The following TTLL7 variants were observed in gnomAD, a reference collection of about 807,000 sequenced individuals.
The protein encoded by TTLL7 is tubulin polyglutamylase TTLL7.
Under a neutral mutation model 120.2 loss-of-function variants are expected in TTLL7, and 53 were observed. The observed-to-expected ratio is 0.44, with a 90% CI of 0.35 to 0.55. TTLL7 has a LOEUF of 0.55. TTLL7 is among the 20% of genes least tolerant of loss of function. The probability of loss-of-function intolerance (pLI) is 0.00; values close to 1 mark genes in which losing one functional copy is unlikely to be tolerated. For missense variants in TTLL7, 803 were observed against 1,054.7 expected (o/e 0.76, Z 3.31); for synonymous variants, 353 against 351.7 (o/e 1.00, Z -0.04).
rs1431571795 is a variant in TTLL7, at chr1:83,966,936, A to T, written c.-176-14549T>A. Among the ~76,000 whole-genome samples, 12 of 152,252 alleles carry T rather than the reference A, an allele frequency of 7.9e-5. No individual in the cohort carries two copies. In the East Asian group the frequency reaches 1.6e-3, roughly 20 times the overall value. ...AGAGAATGATGTTGTGTGGAAAAAC[A>T]TAGACAATGAGGGCTGAATCAAGAA... On this transcript the variant is annotated intron_variant, in intron 1 of 20. Coordinates refer to ENST00000260505, the MANE Select transcript of TTLL7 (RefSeq NM_024686.6).
intron 1 of TTLL7, among the ~76,000 whole-genome samples, chr1:83,953,567 A>G (rs1461587969): frequency 6.6e-6 from 1 of 152,170 alleles, no homozygotes; most frequent in African/African-American, 2.4e-5. Context: ...ATTCAATATC[A>G]AAACGGGGAA....
At chr1:83,909,093 T>C (rs769073762) in intron 15 of TTLL7, among the ~76,000 whole-genome samples, 2 of 151,510 alleles carry the variant, frequency 1.3e-5, no homozygotes, top group Non-Finnish European at 2.9e-5. Context: ...ACATATTTAA[T>C]GTGCGCCGAG....
chr1:83,895,952 G>A (rs597653), intron 18 of TTLL7, among the ~76,000 whole-genome samples: 12 of 152,172 alleles, frequency 7.9e-5, no homozygotes, highest in Admixed American at 3.3e-4. Context: ...TGTTTAGAAG[G>A]CTATACAGAT....
chr1:83,969,958 A>C (rs1571343270), intron 1 of TTLL7, among the ~76,000 whole-genome samples: 1 of 152,118 alleles, frequency 6.6e-6, no homozygotes. Flanking sequence ...AAGCCTAAAC[A>C]AATATGCCTA....
At chr1:83,946,951 G>A (rs1648562974) in intron 6 of TTLL7, among the ~76,000 whole-genome samples, 173 bp downstream of exon 6, 1 of 152,164 alleles carries the variant, frequency 6.6e-6, no homozygotes, top group Admixed American at 6.5e-5. Flanking sequence ...GCCTGTGGGA[G>A]AGTTTAAAAG....
intron 14 of TTLL7, among the ~76,000 whole-genome samples, chr1:83,913,620 A>C (rs1042668203): frequency 6.6e-6 from 1 of 152,194 alleles, no homozygotes; most frequent in Non-Finnish European, 1.5e-5. Flanking sequence ...ATAAAATTAA[A>C]AGTTATAAAG....
rs1312343587 is a variant in TTLL7, at chr1:83,947,098, T to C, written c.506+26A>G. 4.5e-6 allele frequency: 7 copies of C among 1,548,176 alleles called. No homozygotes were observed. The East Asian group carries it at 1.6e-4, about 36-fold the overall frequency. On this transcript the variant is annotated intron_variant, in intron 6 of 20. Coordinates refer to ENST00000260505, the MANE Select transcript of TTLL7 (RefSeq NM_024686.6). Reference sequence around the variant, plus strand: ...ACTCCCAAATTTTTTTTTATTTTTATATATTCCAAATAAAAGCAAACCTAC... The same window carrying C: ...ACTCCCAAATTTTTTTTTATTTTTACATATTCCAAATAAAAGCAAACCTAC...
chr1:83,997,647 T>C (rs1571433172), intron 1 of TTLL7, among the ~76,000 whole-genome samples: 1 of 152,226 alleles, frequency 6.6e-6, no homozygotes, highest in East Asian at 1.9e-4. Flanking sequence ...AGAGTTGTAA[T>C]GAATCAAGTA....
intron 1 of TTLL7, among the ~76,000 whole-genome samples, chr1:83,957,699 C>T (rs1649649046): frequency 6.6e-6 from 1 of 152,106 alleles, no homozygotes; most frequent in African/African-American, 2.4e-5. Context: ...TTTTGTGCTA[C>T]CTTCAAAATT....
intron 20 of TTLL7, among the ~76,000 whole-genome samples, chr1:83,877,253 A>G (rs1654003125): frequency 6.6e-6 from 1 of 152,000 alleles, no homozygotes; most frequent in Non-Finnish European, 1.5e-5. Context: ...ATATTATCCT[A>G]TTTAAACTTT....
intron 1 of TTLL7, among the ~76,000 whole-genome samples, chr1:83,956,747 G>C (rs549618220): frequency 6.6e-6 from 1 of 152,254 alleles, no homozygotes; most frequent in East Asian, 1.9e-4. Context: ...ACATTTTTAA[G>C]TGGAAAAAGC....
In TTLL7 at chr1:83,921,145, G is replaced by C; in HGVS notation, c.1306C>G (p.Gln436Glu). Residue 436 changes from glutamine (Q) to glutamate (E), a missense_variant, in exon 12 of 21, where the codon CAA becomes GAA. Gln to Glu is a conservative substitution (Grantham distance 29). Coordinates refer to ENST00000260505, the MANE Select transcript of TTLL7 (RefSeq NM_024686.6). ...TCTCGTGAGATCTGCTTTCGTACTT[G>C]AGCGAGTCTCTCTTTCTGGAAATGA... The part of the protein sequence containing the change: ...RKEELKERLA[Q>E]VRKQISREEH... 2 of 1,612,950 alleles carry C rather than the reference G, an allele frequency of 1.2e-6. No individual in the cohort carries two copies. Among genetic ancestry groups the C allele is most frequent in the East Asian group, 4.5e-5 (2 of 44,852 alleles).
chr1:83,978,543 T>C lies in TTLL7; in HGVS notation c.-177+20388A>G, dbSNP rs1651693331. On this transcript the variant is annotated intron_variant, in intron 1 of 20. Coordinates refer to ENST00000260505, the MANE Select transcript of TTLL7 (RefSeq NM_024686.6). ...ACATCATAGTCATCTAGTTTTTCTA[T>C]GAAAAACTACAAATCTCAACCATGA... Among the ~76,000 whole-genome samples, 4 of 152,200 alleles carry C rather than the reference T, an allele frequency of 2.6e-5. No individual in the cohort carries two copies. In the South Asian group the frequency reaches 6.2e-4, roughly 24 times the overall value.
At chr1:83,968,535 T>C (rs1005083606) in intron 1 of TTLL7, among the ~76,000 whole-genome samples, 2 of 152,042 alleles carry the variant, frequency 1.3e-5, no homozygotes, top group African/African-American at 4.8e-5. Context: ...GAGATTTAAT[T>C]ACAAAGCATA....
intron 20 of TTLL7, among the ~76,000 whole-genome samples, chr1:83,881,287 C>G (rs929454928): frequency 4.0e-5 from 6 of 150,310 alleles, no homozygotes; most frequent in African/African-American, 1.5e-4. Context: ...AAGAAACTAC[C>G]ATCAGAGTGA....
At chr1:83,892,623 T>C (rs887248332) in intron 18 of TTLL7, among the ~76,000 whole-genome samples, 15 of 146,536 alleles carry the variant, frequency 1.0e-4, no homozygotes, top group Admixed American at 2.1e-4. Context: ...AACATATATA[T>C]GAACATATGA....
chr1:83,882,914 G>C lies in TTLL7; in HGVS notation c.2543+49C>G, dbSNP rs1654641144. On this transcript the variant is annotated intron_variant, in intron 20 of 20. Transcript: ENST00000260505. ...ACTGTCAATTTCAAACTGTGTTTTAGCATTACTTTACATAAAACTCTCAAG... is the reference window on the plus strand; with the variant it reads ...ACTGTCAATTTCAAACTGTGTTTTACCATTACTTTACATAAAACTCTCAAG... 3.8e-6 allele frequency: 6 copies of C among 1,572,832 alleles called. No homozygotes were observed. In the East Asian group the frequency reaches 1.1e-4, roughly 29 times the overall value.
intron 7 of TTLL7, 77 bp from the exon 8 acceptor site, chr1:83,938,093 C>T: frequency 7.4e-7 from 1 of 1,358,608 alleles, no homozygotes; most frequent in Non-Finnish European, 1.0e-6. Flanking sequence ...AAAAAAGACA[C>T]TCAAAGACTA....
intron 3 of TTLL7, among the ~76,000 whole-genome samples, chr1:83,951,221 C>T (rs867193677): frequency 2.8e-4 from 43 of 151,986 alleles, no homozygotes; most frequent in Middle Eastern, 3.4e-3. Flanking sequence ...TGGTGGCGGG[C>T]GCCTGTAGTC....
Sources: allele counts gnomAD v4.1 joint callset (sites outside exome capture counted in the v4.1 genomes callset), GRCh38; gene constraint gnomAD v4.1.1; transcripts MANE v1.5; gene names NCBI Gene and HGNC (gene_info 2026-07-23, HGNC 2026-07-21).